Variants in DPP6 observed in about 807,000 individuals in gnomAD.
DPP6 encodes A-type potassium channel modulatory protein DPP6.
DPP6 carries 69 observed loss-of-function variants against 122.6 expected under a neutral mutation model. The ratio of observed to expected loss-of-function variants is 0.56; its 90% CI spans 0.46 to 0.69. The LOEUF is 0.69. Ranked by LOEUF, DPP6 falls within the 30% of genes least tolerant of loss-of-function variation. The pLI, the probability that DPP6 is intolerant of heterozygous loss-of-function variation, is 0.00. For synonymous variants in DPP6, 418 were observed against 433.1 expected (o/e 0.97, Z 0.43); for missense variants, 928 against 1,116.9 (o/e 0.83, Z 2.41).
intron 20 of DPP6, among the ~76,000 whole-genome samples, chr7:154,878,184 G>A (rs971397512): frequency 6.6e-6 from 1 of 152,194 alleles, no homozygotes; most frequent in Non-Finnish European, 1.5e-5. Context: ...GGGGAAAGTC[G>A]CAGCACCCTC....
chr7:154,207,463 C>A (rs1225006556), intron 1 of DPP6, among the ~76,000 whole-genome samples: 1 of 152,118 alleles, frequency 6.6e-6, no homozygotes, highest in African/African-American at 2.4e-5. Context: ...CCAGTCAGAC[C>A]ACTTCACCTG....
At chr7:153,984,218 C>G (rs1302163930) in intron 1 of DPP6, among the ~76,000 whole-genome samples, 2 of 152,056 alleles carry the variant, frequency 1.3e-5, no homozygotes, top group Non-Finnish European at 2.9e-5. Flanking sequence ...TAGGTCAGAG[C>G]TATTTCTCCT....
At chr7:154,295,654 A>G (rs1805490216) in intron 1 of DPP6, among the ~76,000 whole-genome samples, 1 of 151,956 alleles carries the variant, frequency 6.6e-6, no homozygotes, top group African/African-American at 2.4e-5. Context: ...TATTTCCCTC[A>G]TAATCCACTC....
At chr7:153,988,049 C>T (rs554947808) in intron 1 of DPP6, among the ~76,000 whole-genome samples, 50 of 152,166 alleles carry the variant, frequency 3.3e-4, no homozygotes, top group Non-Finnish European at 5.6e-4. Flanking sequence ...ACCAGAGCTG[C>T]TCAGCAACTG....
At chr7:154,598,549 C>A (rs1833239333) in intron 5 of DPP6, among the ~76,000 whole-genome samples, 1 of 152,180 alleles carries the variant, frequency 6.6e-6, no homozygotes, top group Non-Finnish European at 1.5e-5. Flanking sequence ...AAATTAACAA[C>A]CTTATAAATA....
chr7:154,453,374 T>C (rs966488065), intron 2 of DPP6, among the ~76,000 whole-genome samples: 2 of 152,178 alleles, frequency 1.3e-5, no homozygotes, highest in African/African-American at 4.8e-5. Context: ...GGTAGAAACG[T>C]AACATAGAGA....
At chr7:154,717,967 CATT>C (rs1337631312) in intron 7 of DPP6, among the ~76,000 whole-genome samples, 13 of 152,140 alleles carry the variant, frequency 8.5e-5, no homozygotes, top group South Asian at 2.1e-4. Context: ...GATGGTATGT[CATT>C]GTTGTTTTCA....
At chr7:154,031,959 T>A (rs1799258818) in intron 1 of DPP6, among the ~76,000 whole-genome samples, 1 of 151,250 alleles carries the variant, frequency 6.6e-6, no homozygotes. Flanking sequence ...CCTCCTGGCT[T>A]CATGCCATTC....
At chr7:154,337,689 G>A (rs1219789737) in intron 1 of DPP6, among the ~76,000 whole-genome samples, 2 of 152,190 alleles carry the variant, frequency 1.3e-5, no homozygotes, top group African/African-American at 4.8e-5. Flanking sequence ...GGCTCAGGAA[G>A]GCATTCCAGG....
chr7:154,326,541 G>GA (rs1808461677), intron 1 of DPP6, among the ~76,000 whole-genome samples: 1 of 152,078 alleles, frequency 6.6e-6, no homozygotes, highest in African/African-American at 2.4e-5. Context: ...TTGTTGCCAG[G>GA]GGAGACCTCA....
At chr7:153,807,363 A>G in the DPP6 span, among the ~76,000 whole-genome samples, 4 of 151,710 alleles carry the variant, frequency 2.6e-5, no homozygotes, top group Admixed American at 2.6e-4. Flanking sequence ...AGATCGTGCC[A>G]CAGCCGAGAT....
intron 5 of DPP6, among the ~76,000 whole-genome samples, chr7:154,585,580 C>T (rs908828565): frequency 7.9e-5 from 12 of 152,224 alleles, no homozygotes; most frequent in African/African-American, 2.9e-4. Flanking sequence ...GCTCAAGCGC[C>T]TTAGGTAAAA....
intron 1 of DPP6, among the ~76,000 whole-genome samples, chr7:154,344,512 C>A (rs996919032): frequency 3.9e-5 from 6 of 152,010 alleles, no homozygotes; most frequent in African/African-American, 1.5e-4. Context: ...TATGGAGGTT[C>A]CTTAACAAAC....
intron 3 of DPP6, among the ~76,000 whole-genome samples, chr7:154,499,283 G>C (rs886451344): frequency 6.6e-6 from 1 of 152,148 alleles, no homozygotes; most frequent in Middle Eastern, 3.4e-3. Context: ...CAAAAGGAGG[G>C]CCCCCCTGCG....
At chr7:154,364,298 TG>T (rs1811974881) in intron 1 of DPP6, among the ~76,000 whole-genome samples, 1 of 152,144 alleles carries the variant, frequency 6.6e-6, no homozygotes, top group Non-Finnish European at 1.5e-5. Flanking sequence ...TCAGACTCAT[TG>T]TCCATCTGTT....
At chr7:154,038,086 T>C (rs1172764190) in intron 1 of DPP6, among the ~76,000 whole-genome samples, 1 of 146,056 alleles carries the variant, frequency 6.8e-6, no homozygotes, top group African/African-American at 2.7e-5. Context: ...TCTAAACTGA[T>C]TTCAGCAGTT....
At chr7:153,929,774 C>T (rs1801089971) in intron 1 of DPP6, among the ~76,000 whole-genome samples, 1 of 152,032 alleles carries the variant, frequency 6.6e-6, no homozygotes, top group African/African-American at 2.4e-5. Flanking sequence ...TGCTAAATTA[C>T]TGTTTGAATT....
At chr7:153,812,973 G>A in the DPP6 span, among the ~76,000 whole-genome samples, 1 of 152,202 alleles carries the variant, frequency 6.6e-6, no homozygotes, top group Admixed American at 6.5e-5. Flanking sequence ...GTCATTGAGG[G>A]TATAAAACGC....
chr7:154,710,952 A>C (rs967625065), intron 7 of DPP6, among the ~76,000 whole-genome samples: 2 of 152,228 alleles, frequency 1.3e-5, no homozygotes, highest in Non-Finnish European at 2.9e-5. Flanking sequence ...ATTACATACA[A>C]CAGGATCTTT....
Sources: gnomAD v4.1 joint callset for allele counts (sites outside exome capture counted in the v4.1 genomes callset) on GRCh38, gnomAD v4.1.1 for gene constraint, MANE v1.5 for transcripts, NCBI Gene and HGNC (gene_info 2026-07-23, HGNC 2026-07-21) for gene names.